PREP: variants seen among roughly 807,000 people sequenced by gnomAD.
The protein encoded by PREP is dJ355L5.1 (prolyl endopeptidase).
In PREP, 29 loss-of-function variants were observed where a neutral mutation model predicts 87.6. The ratio of observed to expected loss-of-function variants is 0.33; its 90% CI spans 0.25 to 0.45. PREP has a LOEUF of 0.45. Ranked by LOEUF, PREP falls within the 20% of genes least tolerant of loss-of-function variation. PREP has a pLI of 1.00. For synonymous variants in PREP, 337 were observed against 328.6 expected (o/e 1.03, Z -0.28); for missense variants, 695 against 886.5 (o/e 0.78, Z 2.74).
chr6:105,401,988 C>T (rs1430143561), intron 1 of PREP, among the ~76,000 whole-genome samples: 1 of 152,172 alleles, frequency 6.6e-6, no homozygotes, highest in Non-Finnish European at 1.5e-5. Flanking sequence ...GGATGCAATC[C>T]AGTTCCTAAG....
intron 9 of PREP, among the ~76,000 whole-genome samples, chr6:105,325,295 C>G (rs559117117): frequency 2.0e-5 from 3 of 152,188 alleles, no homozygotes; most frequent in Admixed American, 1.3e-4. Context: ...GGCATCACCA[C>G]GACCTGTAGT....
At position 105,361,415 on chromosome 6, in the gene PREP, T is replaced by C. The variant is rs546888708; in HGVS notation, c.717+7488A>G. ...TGGTGTATTAATAAGGAAATTTTCA[T>C]GGCCATGAAATTTCTTTAGTATAAT... On this transcript the variant is annotated intron_variant, in intron 6 of 14. Coordinates refer to ENST00000652536, the MANE Select transcript of PREP (RefSeq NM_002726.5). Among the ~76,000 whole-genome samples, 3 of 152,272 alleles carry C rather than the reference T, an allele frequency of 2.0e-5. No homozygotes were observed. The South Asian group carries it at 6.2e-4, about 32-fold the overall frequency.
intron 6 of PREP, among the ~76,000 whole-genome samples, chr6:105,366,766 C>T (rs972515913): frequency 2.6e-5 from 4 of 152,098 alleles, no homozygotes; most frequent in African/African-American, 7.2e-5. Flanking sequence ...GGAGGGAAAC[C>T]GACACACGCT....
Position 105,386,635 on chromosome 6 carries a change from T to C in PREP, c.121-9116A>G, listed in dbSNP as rs1010614780. Among the ~76,000 whole-genome samples the C allele has an allele frequency of 3.9e-5, 6 of 152,262 alleles. No homozygotes were observed. In the South Asian group the frequency reaches 6.2e-4, roughly 16 times the overall value. On this transcript the variant is annotated intron_variant, in intron 2 of 14. Transcript: ENST00000652536. ...CTATTAGAACTTAGCTGCTTATGAA[T>C]AGGCCCTAAAAAAAATGAAAGGTAT...
At chr6:105,330,990 G>A (rs762397117) in intron 8 of PREP, among the ~76,000 whole-genome samples, 3 of 152,142 alleles carry the variant, frequency 2.0e-5, no homozygotes, top group Non-Finnish European at 4.4e-5. Context: ...GAAAAATGAA[G>A]TAAATTATAG....
chr6:105,387,380 A>C (rs1773025997), intron 2 of PREP, among the ~76,000 whole-genome samples: 1 of 152,230 alleles, frequency 6.6e-6, no homozygotes, highest in African/African-American at 2.4e-5. Context: ...AACTGCTTAC[A>C]GAGAAAACAG....
intron 1 of PREP, among the ~76,000 whole-genome samples, chr6:105,398,142 GGAAA>G (rs1292486475): frequency 6.6e-6 from 1 of 152,146 alleles, no homozygotes. Context: ...CAGCTAGAGA[GGAAA>G]GAAAGATGAA....
At chr6:105,359,292 A>G (rs188254422) in intron 6 of PREP, among the ~76,000 whole-genome samples, 260 of 152,342 alleles carry the variant, frequency 1.7e-3, no homozygotes, top group Non-Finnish European at 2.8e-3. Context: ...GTTGTAGAAC[A>G]TTAATAGCAA....
intron 7 of PREP, among the ~76,000 whole-genome samples, 167 bp downstream of exon 7, chr6:105,352,805 C>T (rs746904317): frequency 2.6e-4 from 40 of 152,264 alleles, no homozygotes; most frequent in Middle Eastern, 6.8e-3. Flanking sequence ...AGTTTCATTC[C>T]ATTTTCCCTC....
At chr6:105,391,060 C>CACACT (rs1554212310) in intron 2 of PREP, among the ~76,000 whole-genome samples, 6 of 140,166 alleles carry the variant, frequency 4.3e-5, no homozygotes, top group East Asian at 2.2e-4. Context: ...CACACACACA[C>CACACT]TTTTTTTTTT....
At chr6:105,363,529 T>A (rs1234190754) in intron 6 of PREP, among the ~76,000 whole-genome samples, 1 of 152,180 alleles carries the variant, frequency 6.6e-6, no homozygotes, top group Non-Finnish European at 1.5e-5. Context: ...CTGTTTCATG[T>A]TACACCCCAG....
chr6:105,395,912 T>C (rs910550790), intron 2 of PREP, among the ~76,000 whole-genome samples: 2 of 152,234 alleles, frequency 1.3e-5, no homozygotes, highest in Non-Finnish European at 2.9e-5. Context: ...GTACAGGTTA[T>C]GCAGGTGCAT....
intron 7 of PREP, among the ~76,000 whole-genome samples, chr6:105,334,370 G>A (rs779865275): frequency 3.9e-5 from 6 of 151,940 alleles, no homozygotes; most frequent in Non-Finnish European, 7.4e-5. Flanking sequence ...CACCCAGTTT[G>A]TTTCTTCACA....
At chr6:105,330,336 G>T (rs920263965) in intron 8 of PREP, among the ~76,000 whole-genome samples, 2 of 152,206 alleles carry the variant, frequency 1.3e-5, no homozygotes, top group African/African-American at 2.4e-5. Flanking sequence ...TCAAGCGGGA[G>T]ATAAAGTCTG....
At chr6:105,339,447 C>T (rs535318404) in intron 7 of PREP, among the ~76,000 whole-genome samples, 31 of 152,278 alleles carry the variant, frequency 2.0e-4, no homozygotes, top group African/African-American at 7.2e-4. Flanking sequence ...AGCAGAAAAG[C>T]TGAAAATTCT....
chr6:105,396,306 G>A (rs993257220), intron 2 of PREP, among the ~76,000 whole-genome samples: 1 of 152,216 alleles, frequency 6.6e-6, no homozygotes, highest in African/African-American at 2.4e-5. Context: ...AGGATAAAAA[G>A]AAGTTGTAAG....
chr6:105,349,378 C>A (rs752990752), intron 7 of PREP, among the ~76,000 whole-genome samples: 4 of 152,192 alleles, frequency 2.6e-5, no homozygotes, highest in South Asian at 2.1e-4. Flanking sequence ...TCATACAGAT[C>A]GCATTTAACT....
At chr6:105,367,923 C>G (rs1345858234) in intron 6 of PREP, among the ~76,000 whole-genome samples, 1 of 151,078 alleles carries the variant, frequency 6.6e-6, no homozygotes, top group Non-Finnish European at 1.5e-5. Flanking sequence ...AGGCAGCAGG[C>G]CAGATCCAGC....
intron 2 of PREP, among the ~76,000 whole-genome samples, chr6:105,393,168 C>G (rs1562229169): frequency 6.6e-6 from 1 of 152,160 alleles, no homozygotes; most frequent in Non-Finnish European, 1.5e-5. Context: ...TACAGAGCTT[C>G]TAAAACAAAA....
Sources: gnomAD v4.1 joint callset for allele counts (sites outside exome capture counted in the v4.1 genomes callset) on GRCh38, gnomAD v4.1.1 for gene constraint, MANE v1.5 for transcripts, NCBI Gene and HGNC (gene_info 2026-07-23, HGNC 2026-07-21) for gene names.